PRKG1: variants seen among roughly 807,000 people sequenced by gnomAD.
PRKG1 encodes the protein cGMP-dependent protein kinase 1.
PRKG1 carries 35 observed loss-of-function variants against 88.1 expected under a neutral mutation model. That is an observed-to-expected ratio of 0.40 (90% CI 0.30 to 0.53). The LOEUF is 0.53. PRKG1 is among the 20% of genes least tolerant of loss of function. The pLI, the probability that PRKG1 is intolerant of heterozygous loss-of-function variation, is 0.59. For missense variants in PRKG1, 540 were observed against 839.8 expected, an observed-to-expected ratio of 0.64 and a Z score of 4.41; for synonymous variants, 303 against 292.5, an observed-to-expected ratio of 1.04 and a Z score of -0.37.
chr10:51,129,752 G>A (rs946940105), intron 1 of PRKG1, among the ~76,000 whole-genome samples: 1 of 152,124 alleles, frequency 6.6e-6, no homozygotes, highest in African/African-American at 2.4e-5. Context: ...ATGCCTTTTG[G>A]TAGCCACGTT....
intron 2 of PRKG1, among the ~76,000 whole-genome samples, chr10:51,462,818 A>T (rs1167091624): frequency 1.3e-5 from 2 of 152,240 alleles, no homozygotes; most frequent in African/African-American, 4.8e-5. Flanking sequence ...AATTTAGTAG[A>T]ATTCAAATTA....
At chr10:51,912,476 A>T (rs1380017313) in intron 5 of PRKG1, among the ~76,000 whole-genome samples, 1 of 152,174 alleles carries the variant, frequency 6.6e-6, no homozygotes. Flanking sequence ...GTGAGGGTGG[A>T]TGGTTTGCAT....
chr10:51,716,178 C>G (rs1468129387), intron 3 of PRKG1, among the ~76,000 whole-genome samples: 2 of 152,210 alleles, frequency 1.3e-5, no homozygotes, highest in Non-Finnish European at 2.9e-5. Flanking sequence ...CTATCTGCTG[C>G]TCTTGTGGGG....
At chr10:52,001,072 T>C (rs1844583166) in intron 5 of PRKG1, among the ~76,000 whole-genome samples, 1 of 152,002 alleles carries the variant, frequency 6.6e-6, no homozygotes, top group South Asian at 2.1e-4. Context: ...TTTTTTTCGA[T>C]TCCACATTTA....
intron 5 of PRKG1, among the ~76,000 whole-genome samples, chr10:51,935,597 T>C (rs1842784232): frequency 6.6e-6 from 1 of 152,128 alleles, no homozygotes; most frequent in Non-Finnish European, 1.5e-5. Context: ...CATATATCAC[T>C]CAGTCATGAA....
At chr10:51,870,014 A>G (rs949621017) in intron 4 of PRKG1, among the ~76,000 whole-genome samples, 1 of 152,194 alleles carries the variant, frequency 6.6e-6, no homozygotes, top group Non-Finnish European at 1.5e-5. Context: ...TCTTCCCTGA[A>G]CAACTCAAGA....
At chr10:51,703,252 A>C (rs1335662819) in intron 3 of PRKG1, among the ~76,000 whole-genome samples, 1 of 152,176 alleles carries the variant, frequency 6.6e-6, no homozygotes. Context: ...TTCACTATAG[A>C]GTGTAAGGAA....
At chr10:51,548,161 C>G (rs1322652696) in intron 3 of PRKG1, among the ~76,000 whole-genome samples, 1 of 152,052 alleles carries the variant, frequency 6.6e-6, no homozygotes, top group African/African-American at 2.4e-5. Flanking sequence ...CCCCACAGCT[C>G]CCTGCAAGGT....
At chr10:51,938,156 T>C (rs1842834271) in intron 5 of PRKG1, among the ~76,000 whole-genome samples, 1 of 151,954 alleles carries the variant, frequency 6.6e-6, no homozygotes, top group Admixed American at 6.6e-5. Flanking sequence ...TCTCACATCA[T>C]CACAAGAAGA....
chr10:51,810,265 G>T (rs1272726922), intron 4 of PRKG1, among the ~76,000 whole-genome samples: 1 of 152,128 alleles, frequency 6.6e-6, no homozygotes, highest in African/African-American at 2.4e-5. Context: ...AACTGTTAAA[G>T]AACTTGAAGA....
intron 9 of PRKG1, among the ~76,000 whole-genome samples, chr10:52,169,629 T>C (rs1013327241): frequency 1.4e-4 from 21 of 152,210 alleles, no homozygotes; most frequent in African/African-American, 5.1e-4. Context: ...AGAATTCTAG[T>C]ATGTTACTTA....
Position 52,231,920 on chromosome 10 carries a change from G to A in PRKG1, c.1077-19650G>A, listed in dbSNP as rs560098338. On this transcript the variant is annotated intron_variant, in intron 9 of 17. Transcript: ENST00000373980. ...CTTTTCTAGCTTCATGCATAGGATG[G>A]AACAAAATTTAGGGGGAAAAAAGTT... Among the ~76,000 whole-genome samples, 59 of 152,248 alleles carry A rather than the reference G, an allele frequency of 3.9e-4. 2 individuals carry two copies. Among genetic ancestry groups the A allele is most frequent in the Middle Eastern group, 6.8e-3 (2 of 294 alleles).
chr10:52,021,809 T>C (rs1845193484), intron 5 of PRKG1, among the ~76,000 whole-genome samples: 1 of 152,198 alleles, frequency 6.6e-6, no homozygotes, highest in Non-Finnish European at 1.5e-5. Context: ...TTCTACAATG[T>C]AACCTAATGA....
chr10:51,343,043 C>G (rs55778935), intron 2 of PRKG1, among the ~76,000 whole-genome samples: 3 of 152,060 alleles, frequency 2.0e-5, no homozygotes, highest in African/African-American at 7.2e-5. Flanking sequence ...AAACTCTATA[C>G]AGTTGGGCCT....
intron 2 of PRKG1, among the ~76,000 whole-genome samples, chr10:51,331,918 G>T (rs1055932778): frequency 4.6e-5 from 7 of 152,144 alleles, no homozygotes; most frequent in Non-Finnish European, 1.0e-4. Context: ...CAACAAAAAG[G>T]TCATGGTTAT....
At chr10:51,897,769 C>T (rs968277015) in intron 4 of PRKG1, among the ~76,000 whole-genome samples, 1 of 152,078 alleles carries the variant, frequency 6.6e-6, no homozygotes, top group Non-Finnish European at 1.5e-5. Flanking sequence ...CCATGCTGTC[C>T]AGCCCTCCAT....
intron 4 of PRKG1, among the ~76,000 whole-genome samples, chr10:51,865,419 G>A (rs114788788): frequency 1.6e-3 from 242 of 151,932 alleles, no homozygotes; most frequent in African/African-American, 5.5e-3. Flanking sequence ...CTTTCTATGC[G>A]TACTATTCTT....
intron 3 of PRKG1, among the ~76,000 whole-genome samples, chr10:51,590,057 C>G (rs1191570571): frequency 6.6e-6 from 1 of 152,086 alleles, no homozygotes; most frequent in Admixed American, 6.6e-5. Flanking sequence ...TCATTAAGAG[C>G]TTGTGTTTGT....
At chr10:52,034,609 T>A (rs545826185) in intron 5 of PRKG1, among the ~76,000 whole-genome samples, 3 of 151,502 alleles carry the variant, frequency 2.0e-5, no homozygotes, top group Admixed American at 1.3e-4. Flanking sequence ...AGATTATTTA[T>A]TTACTTCAAG....
Sources: allele counts gnomAD v4.1 joint callset (sites outside exome capture counted in the v4.1 genomes callset), GRCh38; gene constraint gnomAD v4.1.1; transcripts MANE v1.5; gene names NCBI Gene and HGNC (gene_info 2026-07-23, HGNC 2026-07-21).